Variants in CATSPERD observed in about 807,000 individuals in gnomAD.
CATSPERD encodes the protein cation channel sperm-associated auxiliary subunit delta.
Under a neutral mutation model 98.1 loss-of-function variants are expected in CATSPERD, and 86 were observed. The ratio of observed to expected loss-of-function variants is 0.88; its 90% CI spans 0.74 to 1.05. The LOEUF is 1.05. CATSPERD is among the 50% of genes least tolerant of loss of function. CATSPERD has a pLI of 0.00. For missense variants in CATSPERD, 995 were observed against 1,005.7 expected, an observed-to-expected ratio of 0.99 and a Z score of 0.14; for synonymous variants, 394 against 390.2, an observed-to-expected ratio of 1.01 and a Z score of -0.12.
rs909127527 is a variant in CATSPERD, at chr19:5,759,084, A to G, written c.1369-2A>G. The G allele has an allele frequency of 3.8e-5, 61 of 1,613,760 alleles. No homozygotes were observed. The highest frequency in any genetic ancestry group is 4.3e-5 in the Non-Finnish European group (51 of 1,179,882). Reference sequence around the variant, plus strand: ...TTGGGATTTTCTCTCTTGACCCCACAGGATATTTTCCTAAAACAGCAGCAG... The same window carrying G: ...TTGGGATTTTCTCTCTTGACCCCACGGGATATTTTCCTAAAACAGCAGCAG... On this transcript the variant is annotated splice_acceptor_variant, in intron 14 of 21. Transcript: ENST00000381624. LOFTEE classifies it high-confidence loss of function.
intron 15 of CATSPERD, among the ~76,000 whole-genome samples, chr19:5,760,317 T>C (rs1385428851): frequency 6.6e-6 from 1 of 151,128 alleles, no homozygotes; most frequent in Non-Finnish European, 1.5e-5. Flanking sequence ...GAGAATCGCT[T>C]GAACCCGGGA....
chr19:5,750,246 T>G (rs140651059), intron 11 of CATSPERD, among the ~76,000 whole-genome samples: 28 of 148,576 alleles, frequency 1.9e-4, no homozygotes, highest in Admixed American at 1.5e-3. Flanking sequence ...CAGGAGATCG[T>G]GACCATCCTG....
At chr19:5,755,291 A>G (rs1253400065) in intron 13 of CATSPERD, among the ~76,000 whole-genome samples, 2 of 152,126 alleles carry the variant, frequency 1.3e-5, no homozygotes, top group East Asian at 3.8e-4. Flanking sequence ...CTGCAAGTAC[A>G]GATGGTCCCA....
At chr19:5,772,074 G>A (rs1340948279) in intron 19 of CATSPERD, 9 of 143,660 alleles carry the variant, frequency 6.3e-5, no homozygotes, top group East Asian at 4.7e-4. Context: ...TTGTGTTGGC[G>A]TCTTGCTCTG....
rs1380119292 is a variant in CATSPERD, at chr19:5,751,629, G to A, written c.988-18G>A. On this transcript the variant is annotated intron_variant, in intron 11 of 21. Transcript: ENST00000381624. ...AACAATTACAATGATTAGATCTCAG[G>A]AATCATTTTCTTCTTAGTTTGCAGA... is the stretch of plus-strand genomic sequence containing the variant. The A allele has an allele frequency of 6.9e-7, 1 of 1,447,960 alleles. No individual in the cohort carries two copies. Among genetic ancestry groups the A allele is most frequent in the Non-Finnish European group, 9.2e-7 (1 of 1,084,946 alleles). 89.7% of individuals were successfully genotyped at this position (1,447,960 alleles called of 1,614,324 possible).
rs375774918 is a variant in CATSPERD, at chr19:5,746,668, C to T, written c.808+605C>T. On this transcript the variant is annotated intron_variant, in intron 9 of 21. Transcript: ENST00000381624. ...CAGGATGGTCTCCATCTCCTGACCG[C>T]GTAATCCACCTGCCTCGGCCTCCCA... 7.9e-5 allele frequency among the ~76,000 whole-genome samples: 12 copies of T among 152,150 alleles called. No individual in the cohort carries two copies. In the East Asian group the frequency reaches 1.5e-3, roughly 20 times the overall value.
chr19:5,751,914 G>T, intron 12 of CATSPERD, 91 bp downstream of exon 12: 1 of 1,239,530 alleles, frequency 8.1e-7, no homozygotes, highest in South Asian at 1.7e-5. Context: ...TGTAGCCCCA[G>T]TTGCTCAGGA....
chr19:5,767,739 G>A (rs2056568395), intron 17 of CATSPERD, among the ~76,000 whole-genome samples: 1 of 151,056 alleles, frequency 6.6e-6, no homozygotes, highest in South Asian at 2.1e-4. Flanking sequence ...TTACAGGCAT[G>A]AGCCACCGCG....
At chr19:5,757,982 C>T (rs2056359550) in intron 14 of CATSPERD, 50 bp downstream of exon 14, 2 of 1,455,892 alleles carry the variant, frequency 1.4e-6, no homozygotes, top group Middle Eastern at 1.7e-4. Context: ...GAGAGGCCCC[C>T]TCTTCCTCCT....
chr19:5,768,798 A>C (rs1236493423), intron 18 of CATSPERD, among the ~76,000 whole-genome samples: 1 of 151,984 alleles, frequency 6.6e-6, no homozygotes, highest in East Asian at 1.9e-4. Context: ...ATGTACTGCC[A>C]CGCCCATACG....
rs138088135 is a variant in CATSPERD, at chr19:5,770,642, G to A, written c.1635-302G>A. 9.7e-4 allele frequency among the ~76,000 whole-genome samples: 148 copies of A among 151,836 alleles called. 2 individuals are homozygous for A. The highest frequency in any genetic ancestry group is 3.5e-3 in the East Asian group (18 of 5,178). ...CAAAAATTTAAAATATTAACCATGC[G>A]TGGTGGTGCGTGCCTGTAATCCCAG... is the stretch of plus-strand genomic sequence containing the variant. On this transcript the variant is annotated intron_variant, in intron 18 of 21. Transcript: ENST00000381624.
intron 19 of CATSPERD, among the ~76,000 whole-genome samples, chr19:5,771,716 G>A (rs1040079913): frequency 3.3e-5 from 5 of 151,608 alleles, no homozygotes; most frequent in Admixed American, 6.6e-5. Context: ...GATTACAGGC[G>A]CGTGCCACCA....
At chr19:5,738,964 C>G (rs2055902528) in intron 6 of CATSPERD, among the ~76,000 whole-genome samples, 1 of 151,338 alleles carries the variant, frequency 6.6e-6, no homozygotes, top group African/African-American at 2.4e-5. Flanking sequence ...CTGGCGTCAA[C>G]TGATCCGCCC....
Position 5,748,202 on chromosome 19 carries a change from C to A in CATSPERD, c.851C>A (p.Thr284Asn). 6.2e-7 allele frequency: 1 copy of A among 1,614,048 alleles called. No individual in the cohort carries two copies. Among genetic ancestry groups the A allele is most frequent in the Non-Finnish European group, 8.5e-7 (1 of 1,180,026 alleles). Residue 284 changes from threonine (T) to asparagine (N), a missense_variant, in exon 10 of 22, where the codon ACC becomes AAC. Around this residue, in one of 3 missense-constraint regions of CATSPERD, gnomAD observed 762 missense variants for 773.7 expected, o/e 0.98. Coordinates refer to ENST00000381624, the MANE Select transcript of CATSPERD (RefSeq NM_152784.4). ...GTCCGGGTGAAAAAAGGAGACCAGA[C>A]CTTGTTTTCTTCCATTTTTGAAGCC... ...DTVRVKKGDQ[T>N]LFSSIFEAKI...
At chr19:5,745,262 T>C (rs1175904581) in intron 8 of CATSPERD, among the ~76,000 whole-genome samples, 1 of 151,722 alleles carries the variant, frequency 6.6e-6, no homozygotes, top group Non-Finnish European at 1.5e-5. Flanking sequence ...AATGGTACCA[T>C]TTCAGTATGT....
At chr19:5,730,798 G>A (rs1165481080) in intron 4 of CATSPERD, among the ~76,000 whole-genome samples, 1 of 151,350 alleles carries the variant, frequency 6.6e-6, no homozygotes, top group African/African-American at 2.4e-5. Context: ...GCATCAGGAG[G>A]TCAGGAGATT....
chr19:5,759,669 G>T (rs143273962), intron 15 of CATSPERD, among the ~76,000 whole-genome samples: 22 of 151,698 alleles, frequency 1.5e-4, no homozygotes, highest in Admixed American at 1.4e-3. Context: ...TCACAGCAGC[G>T]TGATTCACAA....
intron 9 of CATSPERD, among the ~76,000 whole-genome samples, chr19:5,746,934 C>T (rs565554589): frequency 6.7e-6 from 1 of 149,716 alleles, no homozygotes; most frequent in East Asian, 2.0e-4. Flanking sequence ...CCTCCACCTT[C>T]CCTGGGCTCA....
intron 4 of CATSPERD, among the ~76,000 whole-genome samples, chr19:5,732,456 G>C (rs990530283): frequency 9.3e-5 from 12 of 129,298 alleles, no homozygotes; most frequent in Non-Finnish European, 2.2e-4. Context: ...TTTTTGAGAC[G>C]GAGTCTCACT....
Sources: allele counts gnomAD v4.1 joint callset (sites outside exome capture counted in the v4.1 genomes callset), GRCh38; gene constraint gnomAD v4.1.1; regional missense constraint gnomAD v4.1.1; transcripts MANE v1.5; gene names NCBI Gene and HGNC (gene_info 2026-07-23, HGNC 2026-07-21).